The following GNAI2 variants were observed in gnomAD, a reference collection of about 807,000 sequenced individuals.
The protein encoded by GNAI2 is guanine nucleotide-binding protein G(i) subunit alpha-2.
A neutral mutation model predicts 36.8 loss-of-function variants in GNAI2; 4 were observed. The ratio of observed to expected loss-of-function variants is 0.11; its 90% CI spans 0.05 to 0.25. GNAI2 has a LOEUF of 0.25. GNAI2 is among the 10% of genes least tolerant of loss of function. The pLI, the probability that GNAI2 is intolerant of heterozygous loss-of-function variation, is 1.00. For missense variants in GNAI2, 230 were observed against 481.3 expected, an observed-to-expected ratio of 0.48 and a Z score of 4.89; for synonymous variants, 194 against 194.1, an observed-to-expected ratio of 1.00 and a Z score of 0.01.
intron 1 of GNAI2, among the ~76,000 whole-genome samples, chr3:50,240,918 CAAAAAAAAAA>C (rs11302773): frequency 1.2e-5 from 1 of 86,744 alleles, no homozygotes; most frequent in Non-Finnish European, 2.4e-5. Context: ...GACTCTGTCT[CAAAAAAAAAA>C]AAAAAAAAGA....
chr3:50,247,435 G>A (rs1553701877), intron 1 of GNAI2, among the ~76,000 whole-genome samples: 1 of 152,242 alleles, frequency 6.6e-6, no homozygotes, highest in African/African-American at 2.4e-5. Context: ...CAGCCTCCCA[G>A]CAGATCAAAG....
upstream of GNAI2, chr3:50,227,510 G>A (rs1027905772): frequency 1.2e-4 from 27 of 225,896 alleles, no homozygotes; most frequent in Non-Finnish European, 2.1e-4. The surrounding 1 kb of genome is among the most constrained non-coding windows in gnomAD (Gnocchi z 5.9). Flanking sequence ...AGGAGGCGCC[G>A]CTGCCCCGCG....
chr3:50,231,835 A>C (rs1029617003), upstream of GNAI2, among the ~76,000 whole-genome samples: 1 of 152,154 alleles, frequency 6.6e-6, no homozygotes, highest in South Asian at 2.1e-4. Context: ...TTGGAGTGCC[A>C]GTGTGTTGCA....
rs1386614122 is a variant in GNAI2 at position 50,252,216 on chromosome 3, C to T, written c.161+74C>T. On this transcript the variant is annotated intron_variant, in intron 2 of 8. Coordinates refer to ENST00000313601, the MANE Select transcript of GNAI2 (RefSeq NM_002070.4). This position sits in a 1 kb window ranked among gnomAD's most constrained non-coding sequence, Gnocchi z 4.1. ...TCACCCTCTGGGCCTGCACTGCCCCCGACTACAGGCCCAGCCAGTCTTAGC... is the reference window on the plus strand; with the variant it reads ...TCACCCTCTGGGCCTGCACTGCCCCTGACTACAGGCCCAGCCAGTCTTAGC... The T allele has an allele frequency of 5.4e-6, 8 of 1,481,836 alleles. No individual in the cohort carries two copies. The highest frequency in any genetic ancestry group is 4.5e-5 in the East Asian group (2 of 44,172). The allele number at this position is 1,481,836 out of a possible 1,614,324, so 91.8% of individuals were successfully genotyped here.
At chr3:50,248,878 G>A (rs781957746) in intron 1 of GNAI2, among the ~76,000 whole-genome samples, 13 of 152,218 alleles carry the variant, frequency 8.5e-5, no homozygotes, top group South Asian at 2.1e-4. Flanking sequence ...GGCTCCTAGT[G>A]TGACTGGCTC....
rs1334221040 is a variant in GNAI2, at chr3:50,241,983, G to A, written c.118+5530G>A. ...TCCCAGCAAGGTCCCTAGGCCTCCA[G>A]CACTGCAGGGGGTGGGGCAGTAGGT... On this transcript the variant is annotated intron_variant, in intron 1 of 8. Coordinates refer to ENST00000313601, the MANE Select transcript of GNAI2 (RefSeq NM_002070.4). This position sits in a 1 kb window ranked among gnomAD's most constrained non-coding sequence, Gnocchi z 5.0. Among the ~76,000 whole-genome samples, 1 of 152,174 alleles carries A rather than the reference G, an allele frequency of 6.6e-6. No homozygotes were observed. The highest frequency in any genetic ancestry group is 1.5e-5 in the Non-Finnish European group (1 of 68,004).
intron 1 of GNAI2, among the ~76,000 whole-genome samples, chr3:50,237,422 G>C (rs1575439061): frequency 6.6e-6 from 1 of 152,368 alleles, no homozygotes; most frequent in Non-Finnish European, 1.5e-5. Context: ...TAGAGGAGTG[G>C]GGGGAAGTGG....
At chr3:50,257,776 AG>A in intron 8 of GNAI2, 62 bp downstream of exon 8, 1 of 178,352 alleles carries the variant, frequency 5.6e-6, no homozygotes, top group Non-Finnish European at 9.3e-6. Context: ...GAGCCCCAGC[AG>A]GGGGTTCTGG....
intron 1 of GNAI2, among the ~76,000 whole-genome samples, chr3:50,246,672 T>A (rs964257985): frequency 4.6e-5 from 7 of 152,246 alleles, no homozygotes; most frequent in Admixed American, 3.9e-4. Context: ...CCCTCGGGCC[T>A]GCCACGTCAG....
chr3:50,248,226 C>G (rs1346262596), intron 1 of GNAI2, among the ~76,000 whole-genome samples: 1 of 152,178 alleles, frequency 6.6e-6, no homozygotes, highest in Non-Finnish European at 1.5e-5. Context: ...GCACTCCAGC[C>G]TGAGCAACAG....
upstream of GNAI2, among the ~76,000 whole-genome samples, chr3:50,231,796 G>A (rs138750388): frequency 1.5e-4 from 23 of 152,310 alleles, no homozygotes; most frequent in East Asian, 4.4e-3. Flanking sequence ...GAAGATCGAG[G>A]GATGGAGAGA....
At position 50,253,297 on chromosome 3, in the gene GNAI2, A is replaced by C. The variant is rs1575453237; in HGVS notation, c.464+113A>C. On this transcript the variant is annotated intron_variant, in intron 4 of 8. Transcript: ENST00000313601. The surrounding 1 kb of genome is among the most constrained non-coding windows in gnomAD (Gnocchi z 4.2). ...GACACTGCTGGTCTTTGCTTATGAA[A>C]CCGATGACTGTTAACCAAGGCCTTC... is the stretch of plus-strand genomic sequence containing the variant. The C allele has an allele frequency of 7.7e-5, 55 of 713,352 alleles. No individual in the cohort carries two copies. Among genetic ancestry groups the C allele is most frequent in the South Asian group, 3.3e-4 (11 of 33,070 alleles). The allele number at this position is 713,352 out of a possible 1,614,324, so 44.2% of individuals were successfully genotyped here. A position where few individuals can be genotyped will look rare whatever the true frequency, so the allele number is the denominator to read the frequency against.
At position 50,259,222 on chromosome 3, in the gene GNAI2, TG is replaced by T. The variant is rs1477959783; in HGVS notation, c.*885del. 7.4e-4 allele frequency: 159 copies of T among 214,026 alleles called. No homozygotes were observed. The highest frequency in any genetic ancestry group is 4.0e-4 in the Non-Finnish European group (41 of 103,480). The allele number at this position is 214,026 out of a possible 1,614,324, so 13.3% of individuals were successfully genotyped here. A position where few individuals can be genotyped will look rare whatever the true frequency, so the allele number is the denominator to read the frequency against. ...TAACCTAGGAACCGCCGCTGCCTGCTGGGGGGCCACGCCCCTCATGCCCTTG... is the reference window on the plus strand; with the variant it reads ...TAACCTAGGAACCGCCGCTGCCTGCTGGGGGCCACGCCCCTCATGCCCTTG... On this transcript the variant is annotated 3_prime_UTR_variant, in exon 9 of 9. Transcript: ENST00000313601.
intron 1 of GNAI2, among the ~76,000 whole-genome samples, chr3:50,251,074 G>A (rs986277060): frequency 1.3e-5 from 2 of 152,084 alleles, no homozygotes; most frequent in Admixed American, 1.3e-4. Context: ...GCCTCCCAAA[G>A]TGCTGGGATT....
upstream of GNAI2, among the ~76,000 whole-genome samples, chr3:50,232,623 G>A (rs1559762178): frequency 6.6e-6 from 1 of 152,218 alleles, no homozygotes; most frequent in Admixed American, 6.5e-5. Context: ...ACCAGTGTGT[G>A]TGGGGGCTTC....
intron 7 of GNAI2, 29 bp downstream of exon 7, chr3:50,257,119 A>G (rs9830408): frequency 0.086 from 138,492 of 1,602,970 alleles, 23,620 homozygotes; most frequent in East Asian, 0.54. Context: ...TAGGGCCTCC[A>G]GAGGGTTGCT....
At chr3:50,244,508 C>T (rs1663137777) in intron 1 of GNAI2, among the ~76,000 whole-genome samples, 1 of 152,178 alleles carries the variant, frequency 6.6e-6, no homozygotes, top group Non-Finnish European at 1.5e-5. Flanking sequence ...TATTGAAGTC[C>T]ATGGTGAGGG....
chr3:50,242,376 C>T lies in GNAI2; in HGVS notation c.118+5923C>T, dbSNP rs143285826. Among the ~76,000 whole-genome samples, 5 of 152,248 alleles carry T rather than the reference C, an allele frequency of 3.3e-5. No individual in the cohort carries two copies. The East Asian group carries it at 9.7e-4, about 29-fold the overall frequency. ...CAGGAATCCCAGCCTAGGAGTTGAG[C>T]GAGGAGGGGAAGGGGTCAGCAGGTT... is the stretch of plus-strand genomic sequence containing the variant. On this transcript the variant is annotated intron_variant, in intron 1 of 8. Transcript: ENST00000313601. This position sits in a 1 kb window ranked among gnomAD's most constrained non-coding sequence, Gnocchi z 4.8.
intron 4 of GNAI2, 98 bp from the exon 5 acceptor site, chr3:50,256,094 A>C: frequency 1.8e-6 from 1 of 556,208 alleles, no homozygotes; most frequent in South Asian, 1.8e-5. Context: ...TGCTTGAGAA[A>C]TGGCATGGGA....
Sources: gnomAD v4.1 joint callset for allele counts (sites outside exome capture counted in the v4.1 genomes callset) on GRCh38, gnomAD v4.1.1 for gene constraint, Gnocchi (gnomAD v3.1) non-coding constraint, MANE v1.5 for transcripts, NCBI Gene and HGNC (gene_info 2026-07-23, HGNC 2026-07-21) for gene names.